Variants in PLEKHG6 observed in about 807,000 individuals in gnomAD.
PLEKHG6 encodes pleckstrin homology domain-containing family G member 6.
In PLEKHG6, 91 loss-of-function variants were observed where a neutral mutation model predicts 97.5. The ratio of observed to expected loss-of-function variants is 0.93; its 90% confidence interval spans 0.79 to 1.11. The LOEUF is 1.11. PLEKHG6 is among the 50% of genes most tolerant of loss of function. The pLI is 0.00. For missense variants in PLEKHG6, 1,044 were observed against 1,031.0 expected (o/e 1.01, Z -0.17); for synonymous variants, 466 against 425.5 (o/e 1.10, Z -1.17).
At chr12:6,312,987 G>A (rs1478538462) in intron 2 of PLEKHG6, 2 of 1,438,138 alleles carry the variant, frequency 1.4e-6, no homozygotes, top group African/African-American at 2.8e-5. Flanking sequence ...CTTTGGAGAT[G>A]GGACTTTCCT....
intron 3 of PLEKHG6, 114 bp from the exon 4 acceptor site, chr12:6,314,891 C>T: frequency 1.0e-6 from 1 of 978,770 alleles, no homozygotes; most frequent in South Asian, 1.6e-5. Flanking sequence ...CCATTCCAGA[C>T]ACAGACACAC....
chr12:6,321,066 C>G (rs1037619056), intron 13 of PLEKHG6, among the ~76,000 whole-genome samples: 4 of 151,812 alleles, frequency 2.6e-5, no homozygotes, highest in Non-Finnish European at 5.9e-5. Flanking sequence ...ATCACCCAGG[C>G]TAGAGTGCAG....
In PLEKHG6 at chr12:6,326,494, C is replaced by T. The variant is rs372926868; in HGVS notation, c.1591C>T (p.Arg531Trp). The T allele has an allele frequency of 1.7e-5, 27 of 1,608,742 alleles. No homozygotes were observed. The African/African-American group carries it at 2.8e-4, about 17-fold the overall frequency. The stretch of plus-strand genomic sequence containing the variant: ...GAAGAGGGAGCTCCTGACCCTCTAT[C>T]GGGACCAGGACAGGGAGTCCCCCAG... ...QQKRELLTLY[R>W]DQDRESPSTR... The change falls in exon 14 of 16, where the codon CGG becomes TGG. Residue 531 changes from arginine (R) to tryptophan (W), a missense_variant. Transcript: ENST00000684764.
Position 6,316,359 on chromosome 12 carries a change from G to C in PLEKHG6, c.711G>C (p.Ser237=). The C allele has an allele frequency of 1.3e-6, 2 of 1,567,516 alleles. No homozygotes were observed. Among genetic ancestry groups the C allele is most frequent in the East Asian group, 2.4e-5 (1 of 42,458 alleles). ...CCACCCTGGAGGAGACTCGGGCCTC[G>C]GGCCAGCCTCTGGACCCCATTGGTC... ...LGPTLEETRA[S]GQPLDPIGLQ... is the part of the protein sequence containing the mutation. The change falls in exon 7 of 16, where the codon TCG becomes TCC. Residue 237 remains serine (S), a synonymous_variant. Coordinates refer to ENST00000684764, the MANE Select transcript of PLEKHG6 (RefSeq NM_001384598.1). The surrounding 1 kb of genome is among the most constrained non-coding windows in gnomAD (Gnocchi z 4.1).
In PLEKHG6 at chr12:6,315,073, G is replaced by A. The variant is rs538187445; in HGVS notation, c.363G>A (p.Leu121=). ...TCAGCATGTTTGGGATGCCCCGGCT[G>A]CCCCCTGAGGACCGGCGGCACTGGG... ...HTFSMFGMPR[L]PPEDRRHWEI... The change falls in exon 4 of 16, where the codon CTG becomes CTA. Residue 121 remains leucine, a synonymous_variant. Transcript: ENST00000684764. This position sits in a 1 kb window ranked among gnomAD's most constrained non-coding sequence, Gnocchi z 4.5. The A allele has an allele frequency of 2.1e-5, 34 of 1,613,672 alleles. No homozygotes were observed. Among genetic ancestry groups the A allele is most frequent in the Non-Finnish European group, 2.7e-5 (32 of 1,180,014 alleles).
Position 6,313,799 on chromosome 12 carries a change from C to T in PLEKHG6, c.294+15C>T, listed in dbSNP as rs775728532. 1 of 1,549,030 alleles carries T rather than the reference C, an allele frequency of 6.5e-7. No homozygotes were observed. Among genetic ancestry groups the T allele is most frequent in the Admixed American group, 2.0e-5 (1 of 49,582 alleles). ...CCAAACTCAAGGTAAGGGGGTCCCTCTCCTCCCATCCCCACACATACGGCC... is the reference window on the plus strand; with the variant it reads ...CCAAACTCAAGGTAAGGGGGTCCCTTTCCTCCCATCCCCACACATACGGCC... On this transcript the variant is annotated intron_variant, in intron 3 of 15. Coordinates refer to ENST00000684764, the MANE Select transcript of PLEKHG6 (RefSeq NM_001384598.1).
chr12:6,318,437 C>G lies in PLEKHG6; in HGVS notation c.1275+17C>G. On this transcript the variant is annotated intron_variant, in intron 11 of 15. Transcript: ENST00000684764. ...GAAGGGAAGGTGAGGGTGCTGCGGA[C>G]AGAGTGGAGGGGATGGGGCACGGTG... is the stretch of plus-strand genomic sequence containing the variant. 1 of 1,597,062 alleles carries G rather than the reference C, an allele frequency of 6.3e-7. No homozygotes were observed. The highest frequency in any genetic ancestry group is 8.5e-7 in the Non-Finnish European group (1 of 1,172,752).
chr12:6,325,529 C>T (rs972985725), intron 13 of PLEKHG6, among the ~76,000 whole-genome samples: 3 of 152,180 alleles, frequency 2.0e-5, no homozygotes, highest in Non-Finnish European at 4.4e-5. Context: ...TAATATAATG[C>T]GTCCTCTCCT....
chr12:6,312,871 G>T (rs1565454342), intron 2 of PLEKHG6: 2 of 1,335,016 alleles, frequency 1.5e-6, no homozygotes, highest in South Asian at 1.7e-5. Context: ...AAGCAGAGGG[G>T]TGTGGAAGCC....
rs1458972692 is a variant in PLEKHG6 at position 6,327,540 on chromosome 12, A to T, written c.1957A>T (p.Ile653Phe). 1 of 1,562,780 alleles carries T rather than the reference A, an allele frequency of 6.4e-7. No individual in the cohort carries two copies. Among genetic ancestry groups the T allele is most frequent in the Middle Eastern group, 1.7e-4 (1 of 5,820 alleles). Residue 653 changes from isoleucine to phenylalanine, a missense_variant, in exon 15 of 16, where the codon ATC becomes TTC. Transcript: ENST00000684764. ...AAGCGCCCCCGAACTGCCGGAAGGA[A>T]TCCTAAAAGGAGGCAGTCTTCCCCA... ...RRSAPELPEG[I>F]LKGGSLPQED...
Position 6,315,730 on chromosome 12 carries a change from G to A in PLEKHG6, c.555+81G>A, listed in dbSNP as rs1019336615. 2.5e-6 allele frequency: 3 copies of A among 1,200,476 alleles called. No individual in the cohort carries two copies. Among genetic ancestry groups the A allele is most frequent in the Admixed American group, 2.2e-5 (1 of 46,070 alleles). 74.4% of individuals were successfully genotyped at this position (1,200,476 alleles called of 1,614,324 possible). Reference sequence around the variant, plus strand: ...CTCCCAGACTGGAAGGCAGGTCACTGGGGGAGGGAGGGGCAGGATTTCAGG... The same window carrying A: ...CTCCCAGACTGGAAGGCAGGTCACTAGGGGAGGGAGGGGCAGGATTTCAGG... On this transcript the variant is annotated intron_variant, in intron 5 of 15. Transcript: ENST00000684764. The surrounding 1 kb of genome is among the most constrained non-coding windows in gnomAD (Gnocchi z 4.5).
chr12:6,324,476 AC>A (rs1184515927), intron 13 of PLEKHG6, among the ~76,000 whole-genome samples: 1 of 151,932 alleles, frequency 6.6e-6, no homozygotes, highest in East Asian at 1.9e-4. Flanking sequence ...GCAAAAGGGC[AC>A]CCCAGCAGGA....
chr12:6,325,707 C>T (rs765043706), intron 13 of PLEKHG6, among the ~76,000 whole-genome samples: 2 of 152,208 alleles, frequency 1.3e-5, no homozygotes, highest in Admixed American at 6.5e-5. Flanking sequence ...CAATTCAGAA[C>T]ACTTATTCTA....
Position 6,319,134 on chromosome 12 carries a change from G to C in PLEKHG6, c.1524+26G>C, listed in dbSNP as rs1947608264. On this transcript the variant is annotated intron_variant, in intron 13 of 15. Transcript: ENST00000684764. Reference sequence around the variant, plus strand: ...GTATGGGAAAGCCAGCAACGGGGAGGCATGGGCAGGGGTCCCCGGAGCTCA... The same window carrying C: ...GTATGGGAAAGCCAGCAACGGGGAGCCATGGGCAGGGGTCCCCGGAGCTCA... 6 of 1,499,638 alleles carry C rather than the reference G, an allele frequency of 4.0e-6. No homozygotes were observed. In the East Asian group the frequency reaches 1.4e-4, roughly 35 times the overall value. 92.9% of individuals were successfully genotyped at this position (1,499,638 alleles called of 1,614,324 possible). A position where few individuals can be genotyped will look rare whatever the true frequency, so the allele number is the denominator to read the frequency against.
In PLEKHG6 at chr12:6,315,267, T is replaced by C. The variant is rs1004305985; in HGVS notation, c.459+98T>C. ...GGAAAGGCCTTGGGAAGTGGGGTCA[T>C]GTGGAAAAAACATCTGGAAACGCGT... On this transcript the variant is annotated intron_variant, in intron 4 of 15. Transcript: ENST00000684764. This position sits in a 1 kb window ranked among gnomAD's most constrained non-coding sequence, Gnocchi z 4.5. 13 of 1,243,034 alleles carry C rather than the reference T, an allele frequency of 1.0e-5. No individual in the cohort carries two copies. The highest frequency in any genetic ancestry group is 3.0e-5 in the African/African-American group (2 of 66,262). 77.0% of individuals were successfully genotyped at this position (1,243,034 alleles called of 1,614,324 possible).
intron 13 of PLEKHG6, chr12:6,319,788 G>A (rs1042110495): frequency 2.0e-6 from 2 of 997,278 alleles, no homozygotes; most frequent in African/African-American, 3.3e-5. Context: ...AATCAGAAAA[G>A]AGTAAACCAC....
chr12:6,318,066 G>A, intron 10 of PLEKHG6, 72 bp downstream of exon 10: 1 of 1,485,236 alleles, frequency 6.7e-7, no homozygotes, highest in South Asian at 1.3e-5. Context: ...AGGGCTGCAA[G>A]GCCAGAACAC....
chr12:6,312,346 C>T lies in PLEKHG6; in HGVS notation c.120C>T (p.Pro40=), dbSNP rs1947300665. ...SAQSTAGRLY[P]RGYPVLDPSR... Reference sequence around the variant, plus strand: ...AGAGCACTGCTGGCAGACTCTATCCCCGAGGATACCCTGTGCTGGTGAGTC... The same window carrying T: ...AGAGCACTGCTGGCAGACTCTATCCTCGAGGATACCCTGTGCTGGTGAGTC... The change falls in exon 2 of 16, where the codon CCC becomes CCT. Residue 40 remains proline (P), a synonymous_variant. Transcript: ENST00000684764. 1 of 1,583,258 alleles carries T rather than the reference C, an allele frequency of 6.3e-7. No individual in the cohort carries two copies. Among genetic ancestry groups the T allele is most frequent in the South Asian group, 1.2e-5 (1 of 86,220 alleles).
chr12:6,317,604 C>A lies in PLEKHG6; in HGVS notation c.925C>A (p.Pro309Thr), dbSNP rs748970044. Residue 309 changes from proline (P) to threonine (T), a missense_variant, in exon 9 of 16, where the codon CCC (proline) becomes ACC (threonine). Transcript: ENST00000684764. ...GATGCTCTGTGACTTGCTTATCAAG[C>A]CCCACCAGCGCATCACCAAGTACCC... ...RQMLCDLLIK[P>T]HQRITKYPLL... The A allele has an allele frequency of 3.7e-6, 6 of 1,613,946 alleles. No individual in the cohort carries two copies. The highest frequency in any genetic ancestry group is 5.1e-6 in the Non-Finnish European group (6 of 1,180,006).
Sources: allele counts gnomAD v4.1 joint callset (sites outside exome capture counted in the v4.1 genomes callset), GRCh38; gene constraint gnomAD v4.1.1; non-coding constraint Gnocchi (gnomAD v3.1); transcripts MANE v1.5; gene names NCBI Gene and HGNC (gene_info 2026-07-23, HGNC 2026-07-21).